ABLIM1: variants seen among roughly 807,000 people sequenced by gnomAD.
ABLIM1 encodes actin-binding LIM protein 1.
In ABLIM1, 40 loss-of-function variants were observed where a neutral mutation model predicts 107.0. That is an observed-to-expected ratio of 0.37 (90% CI 0.29 to 0.49). ABLIM1 has a LOEUF of 0.49. ABLIM1 is among the 20% of genes least tolerant of loss of function. The probability of loss-of-function intolerance (pLI) is 0.97; values close to 1 mark genes in which losing one functional copy is unlikely to be tolerated. For missense variants in ABLIM1, 857 were observed against 1,008.5 expected (o/e 0.85, Z 2.04); for synonymous variants, 357 against 357.3 (o/e 1.00, Z 0.01).
At chr10:114,723,573 T>A (rs954979343) in intron 1 of ABLIM1, among the ~76,000 whole-genome samples, 5 of 152,232 alleles carry the variant, frequency 3.3e-5, no homozygotes, top group African/African-American at 1.2e-4. Flanking sequence ...GTCACCAACC[T>A]ATTATTGGCT....
At chr10:114,760,445 CA>C (rs2082722221) in intron 1 of ABLIM1, among the ~76,000 whole-genome samples, 2 of 112,934 alleles carry the variant, frequency 1.8e-5, no homozygotes, top group South Asian at 5.6e-4. Flanking sequence ...CACACACACA[CA>C]CACACACTGA....
intron 12 of ABLIM1, chr10:114,463,270 A>G: frequency 9.0e-7 from 1 of 1,111,390 alleles, no homozygotes; most frequent in Non-Finnish European, 1.2e-6. Flanking sequence ...AAAACAAAAT[A>G]AAGAACGTTA....
chr10:114,703,439 T>C (rs1423122052), intron 1 of ABLIM1, among the ~76,000 whole-genome samples: 1 of 152,210 alleles, frequency 6.6e-6, no homozygotes, highest in Non-Finnish European at 1.5e-5. Flanking sequence ...GTTTTTAGTT[T>C]AGTAGAGGTG....
At chr10:114,592,942 G>A (rs2075049323) in intron 2 of ABLIM1, among the ~76,000 whole-genome samples, 1 of 152,142 alleles carries the variant, frequency 6.6e-6, no homozygotes, top group East Asian at 1.9e-4. Context: ...GGCTGTTGAA[G>A]ATACTAGTCT....
intron 8 of ABLIM1, among the ~76,000 whole-genome samples, chr10:114,474,947 A>G (rs561844413): frequency 6.6e-6 from 1 of 152,178 alleles, no homozygotes; most frequent in Non-Finnish European, 1.5e-5. Context: ...CACGTAAGAC[A>G]TGACTTTGTT....
At chr10:114,689,593 C>T (rs1360377826), upstream of ABLIM1, among the ~76,000 whole-genome samples, 1 of 152,050 alleles carries the variant, frequency 6.6e-6, no homozygotes, top group African/African-American at 2.4e-5. Context: ...AACTCCTGGT[C>T]TCAAGTGATC....
intron 2 of ABLIM1, among the ~76,000 whole-genome samples, chr10:114,576,996 G>A (rs2072668726): frequency 6.6e-6 from 1 of 152,108 alleles, no homozygotes; most frequent in Non-Finnish European, 1.5e-5. Flanking sequence ...TTCTTCCCCA[G>A]ATGAGTCCTG....
chr10:114,521,747 C>A (rs2063775496), intron 6 of ABLIM1, among the ~76,000 whole-genome samples: 1 of 152,090 alleles, frequency 6.6e-6, no homozygotes, highest in African/African-American at 2.4e-5. Flanking sequence ...TATTGGGCAC[C>A]AACCTTCTAT....
intron 6 of ABLIM1, among the ~76,000 whole-genome samples, chr10:114,531,804 C>T (rs1396018641): frequency 6.6e-6 from 1 of 152,028 alleles, no homozygotes; most frequent in Admixed American, 6.6e-5. Flanking sequence ...GCGTGAGCCA[C>T]CGCCCTCCAC....
chr10:114,494,700 T>C (rs2059439372), intron 6 of ABLIM1, among the ~76,000 whole-genome samples: 1 of 151,996 alleles, frequency 6.6e-6, no homozygotes, highest in Admixed American at 6.6e-5. Context: ...CAAGAGAAAA[T>C]AATCAAGTGG....
rs141618382 is a variant in ABLIM1 at position 114,476,646 on chromosome 10, AAATAAT to A, written c.1042-2696_1042-2691del. On this transcript the variant is annotated intron_variant, in intron 8 of 22. Transcript: ENST00000533213. ...GCAACAAGAGTGAAACTCTGCCTCA[AAATAAT>A]AATAATAATAATAATAATAATAATA... Among the ~76,000 whole-genome samples, 394 of 143,148 alleles carry A rather than the reference AAATAAT, an allele frequency of 2.8e-3. 1 individual carries two copies. Among genetic ancestry groups the A allele is most frequent in the Middle Eastern group, 7.5e-3 (2 of 268 alleles). The allele number at this position is 143,148 out of a possible 152,430, so 93.9% of individuals were successfully genotyped here. A position where few individuals can be genotyped will look rare whatever the true frequency, so the allele number is the denominator to read the frequency against.
intron 4 of ABLIM1, among the ~76,000 whole-genome samples, chr10:114,566,087 GC>G (rs2070705366): frequency 6.6e-6 from 1 of 152,106 alleles, no homozygotes; most frequent in Non-Finnish European, 1.5e-5. Context: ...GAGCCACCGC[GC>G]CCGGTCGAAA....
intron 8 of ABLIM1, among the ~76,000 whole-genome samples, chr10:114,474,663 A>G (rs1015072378): frequency 6.6e-6 from 1 of 152,170 alleles, no homozygotes; most frequent in African/African-American, 2.4e-5. Context: ...TACAGGCGTG[A>G]GCCACCGCAC....
At chr10:114,525,583 G>C (rs985122954) in intron 6 of ABLIM1, among the ~76,000 whole-genome samples, 33 of 152,224 alleles carry the variant, frequency 2.2e-4, no homozygotes, top group Non-Finnish European at 4.7e-4. Flanking sequence ...CTATAAGTAC[G>C]CAGTGACTCA....
chr10:114,464,822 G>A (rs762563439), intron 12 of ABLIM1, among the ~76,000 whole-genome samples: 9 of 152,174 alleles, frequency 5.9e-5, no homozygotes, highest in East Asian at 3.9e-4. Context: ...TCATCTATGC[G>A]TCCAGAAGCA....
intron 14 of ABLIM1, among the ~76,000 whole-genome samples, chr10:114,448,509 C>T (rs1363092709): frequency 5.3e-5 from 8 of 152,134 alleles, no homozygotes; most frequent in South Asian, 2.1e-4. Context: ...GAAAGCATGA[C>T]GCTATCACTT....
chr10:114,612,113 T>C lies in ABLIM1; in HGVS notation c.245-10152A>G, dbSNP rs188167057. On this transcript the variant is annotated intron_variant, in intron 1 of 22. Coordinates refer to ENST00000533213, the MANE Select transcript of ABLIM1 (RefSeq NM_002313.7). ...TCCTAGGAGCCTTCTATGGTTTCAA[T>C]GTCCCCTCCAAAATCATGCTGAAAT... 4.0e-3 allele frequency among the ~76,000 whole-genome samples: 609 copies of C among 152,310 alleles called. 3 individuals are homozygous for C. The highest frequency in any genetic ancestry group is 6.8e-3 in the Middle Eastern group (2 of 294).
upstream of ABLIM1, among the ~76,000 whole-genome samples, chr10:114,770,747 G>T (rs1025791703): frequency 4.6e-5 from 7 of 152,186 alleles, no homozygotes; most frequent in Admixed American, 2.0e-4. Flanking sequence ...AATTGAATTT[G>T]TTCTGGAAGT....
intron 6 of ABLIM1, among the ~76,000 whole-genome samples, chr10:114,538,502 C>T (rs542381013): frequency 1.0e-3 from 154 of 152,292 alleles, no homozygotes; most frequent in Non-Finnish European, 1.6e-3. Context: ...CAGGCTGTCA[C>T]AGACATCACT....
Sources: allele counts gnomAD v4.1 joint callset (sites outside exome capture counted in the v4.1 genomes callset), GRCh38; gene constraint gnomAD v4.1.1; transcripts MANE v1.5; gene names NCBI Gene and HGNC (gene_info 2026-07-23, HGNC 2026-07-21).